The following KCNMB2 variants were observed in gnomAD, a reference collection of about 807,000 sequenced individuals.
KCNMB2 encodes the protein calcium-activated potassium channel subunit beta-2.
In KCNMB2, 9 loss-of-function variants were observed where a neutral mutation model predicts 24.5. That is an observed-to-expected ratio of 0.37 (90% CI 0.22 to 0.64). The LOEUF (loss-of-function observed/expected upper bound fraction) is 0.64. KCNMB2 is among the 30% of genes least tolerant of loss of function. The pLI is 0.63. For synonymous variants in KCNMB2, 109 were observed against 104.4 expected (o/e 1.04, Z -0.27); for missense variants, 226 against 284.3 (o/e 0.79, Z 1.47).
At chr3:178,672,688 G>A (rs1720943780) in intron 1 of KCNMB2, among the ~76,000 whole-genome samples, 2 of 152,150 alleles carry the variant, frequency 1.3e-5, no homozygotes, top group Admixed American at 6.5e-5. Context: ...TTGATTTGAG[G>A]AAGCTGATGG....
intron 1 of KCNMB2, among the ~76,000 whole-genome samples, chr3:178,561,621 T>C (rs983060311): frequency 1.3e-5 from 2 of 152,220 alleles, no homozygotes; most frequent in African/African-American, 2.4e-5. Flanking sequence ...TAGATTCCAA[T>C]GTTAGCGTAG....
intron 1 of KCNMB2, among the ~76,000 whole-genome samples, chr3:178,705,562 C>T (rs1722249762): frequency 6.6e-6 from 1 of 152,042 alleles, no homozygotes; most frequent in Non-Finnish European, 1.5e-5. Flanking sequence ...CAAATTAGAG[C>T]TTAATCACAC....
At chr3:178,679,691 C>T (rs956213323) in intron 1 of KCNMB2, among the ~76,000 whole-genome samples, 8 of 152,078 alleles carry the variant, frequency 5.3e-5, no homozygotes, top group African/African-American at 1.9e-4. Context: ...AGAAGTTACA[C>T]CCAAGTTCAT....
chr3:178,791,449 A>G (rs1428758001), intron 1 of KCNMB2, among the ~76,000 whole-genome samples: 11 of 152,206 alleles, frequency 7.2e-5, no homozygotes, highest in Admixed American at 7.2e-4. Flanking sequence ...AAAAGAAAAA[A>G]GAACAAAAAA....
intron 1 of KCNMB2, among the ~76,000 whole-genome samples, chr3:178,765,419 T>C (rs987104456): frequency 1.3e-5 from 2 of 152,226 alleles, no homozygotes; most frequent in African/African-American, 2.4e-5. Context: ...TCATTTCTTG[T>C]TGACTTTCAC....
intron 1 of KCNMB2, chr3:178,747,008 T>C (rs1414296192): frequency 6.6e-6 from 1 of 152,564 alleles, no homozygotes; most frequent in African/African-American, 2.4e-5. Context: ...AGTTCCAATG[T>C]TGCTTCCACA....
chr3:178,671,353 C>T (rs1408779133), intron 1 of KCNMB2, among the ~76,000 whole-genome samples: 2 of 152,106 alleles, frequency 1.3e-5, no homozygotes. Context: ...TGTTTTGATT[C>T]AAACTCTCCC....
At chr3:178,637,612 C>T (rs1232764744) in intron 1 of KCNMB2, among the ~76,000 whole-genome samples, 1 of 152,096 alleles carries the variant, frequency 6.6e-6, no homozygotes. Flanking sequence ...TGTTCTAATT[C>T]AGTAAATGAA....
intron 1 of KCNMB2, among the ~76,000 whole-genome samples, chr3:178,708,386 T>C (rs1461960582): frequency 6.6e-6 from 1 of 152,134 alleles, no homozygotes; most frequent in African/African-American, 2.4e-5. Context: ...GCTATGCTGT[T>C]AAAAAACATT....
intron 1 of KCNMB2, among the ~76,000 whole-genome samples, chr3:178,804,399 C>T (rs1364882549): frequency 6.6e-6 from 1 of 152,094 alleles, no homozygotes; most frequent in African/African-American, 2.4e-5. Context: ...CAGCTACTCC[C>T]TTTTATTTTA....
At chr3:178,683,940 A>G (rs529197863) in intron 1 of KCNMB2, among the ~76,000 whole-genome samples, 1 of 152,302 alleles carries the variant, frequency 6.6e-6, no homozygotes, top group Admixed American at 6.5e-5. Context: ...CCATGATCCA[A>G]CAACCCCTCT....
At chr3:178,562,466 G>T (rs944162210) in intron 1 of KCNMB2, among the ~76,000 whole-genome samples, 28 of 152,170 alleles carry the variant, frequency 1.8e-4, no homozygotes, top group Non-Finnish European at 4.1e-4. Flanking sequence ...AGAAAGTAGA[G>T]AAGAAGACCC....
At chr3:178,764,982 A>G (rs143414225) in intron 1 of KCNMB2, among the ~76,000 whole-genome samples, 2 of 152,354 alleles carry the variant, frequency 1.3e-5, no homozygotes, top group East Asian at 3.9e-4. Context: ...ATAATAAACT[A>G]CATTTAGAAC....
At chr3:178,774,907 C>G (rs1371977418) in intron 1 of KCNMB2, among the ~76,000 whole-genome samples, 2 of 152,144 alleles carry the variant, frequency 1.3e-5, no homozygotes, top group African/African-American at 4.8e-5. Context: ...TTTCCTTGTT[C>G]CTTTGACCTT....
chr3:178,830,610 C>A (rs7640531), intron 4 of KCNMB2, among the ~76,000 whole-genome samples: 99,028 of 152,016 alleles, frequency 0.65, 34,332 homozygotes, highest in African/African-American at 0.89. Flanking sequence ...TGCTCCAAAT[C>A]TTTGCCAACA....
intron 1 of KCNMB2, among the ~76,000 whole-genome samples, chr3:178,571,465 T>G (rs1398686147): frequency 7.5e-6 from 1 of 133,084 alleles, no homozygotes; most frequent in African/African-American, 3.1e-5. Flanking sequence ...TATATATATA[T>G]ATATATATAT....
chr3:178,651,000 A>G (rs1417332324), intron 1 of KCNMB2, among the ~76,000 whole-genome samples: 2 of 152,244 alleles, frequency 1.3e-5, no homozygotes, highest in Non-Finnish European at 2.9e-5. Flanking sequence ...AAAACAGATC[A>G]AGACAACGAT....
At chr3:178,752,556 G>C (rs1723886421) in intron 1 of KCNMB2, among the ~76,000 whole-genome samples, 1 of 152,072 alleles carries the variant, frequency 6.6e-6, no homozygotes, top group Admixed American at 6.6e-5. Flanking sequence ...TAAGAACAAG[G>C]GATAATACCA....
intron 1 of KCNMB2, among the ~76,000 whole-genome samples, chr3:178,767,254 G>T (rs1161099854): frequency 6.6e-6 from 1 of 152,176 alleles, no homozygotes; most frequent in Non-Finnish European, 1.5e-5. Flanking sequence ...ATCAAAATAG[G>T]TAGATCTTGA....
Sources: gnomAD v4.1 joint callset for allele counts (sites outside exome capture counted in the v4.1 genomes callset) on GRCh38, gnomAD v4.1.1 for gene constraint, MANE v1.5 for transcripts, NCBI Gene and HGNC (gene_info 2026-07-23, HGNC 2026-07-21) for gene names.